EGFR: variants seen among roughly 807,000 people sequenced by gnomAD.
EGFR encodes avian erythroblastic leukemia viral (v-erb-b) oncogene homolog.
Under a neutral mutation model 143.0 loss-of-function variants are expected in EGFR, and 58 were observed. The ratio of observed to expected loss-of-function variants is 0.41; its 90% confidence interval spans 0.33 to 0.50. The LOEUF (loss-of-function observed/expected upper bound fraction) is 0.50, where lower values mean the gene tolerates loss of function less well. Ranked by LOEUF, EGFR falls within the 20% of genes least tolerant of loss-of-function variation. The probability of loss-of-function intolerance (pLI) is 0.39; values close to 1 mark genes in which losing one functional copy is unlikely to be tolerated. For synonymous variants in EGFR, 613 were observed against 594.4 expected (o/e 1.03, Z -0.45); for missense variants, 1,307 against 1,579.0 (o/e 0.83, Z 2.92).
chr7:55,156,956 T>G (rs1395771758), intron 10 of EGFR, 124 bp downstream of exon 10: 4 of 1,544,062 alleles, frequency 2.6e-6, no homozygotes, highest in Non-Finnish European at 3.5e-6. Flanking sequence ...CGTTAATGGC[T>G]GATGTTTTGA....
rs538843362 is a variant in EGFR, at chr7:55,087,680, G to A, written c.89-54606G>A. On this transcript the variant is annotated intron_variant, in intron 1 of 27. Transcript: ENST00000275493. ...TGTTGTGATGAGTTGGAAACTTCCC[G>A]ATTGGGTTTATTAGAGCATGAACAC... Among the ~76,000 whole-genome samples the A allele has an allele frequency of 2.6e-4, 39 of 152,230 alleles. No homozygotes were observed. In the East Asian group the frequency reaches 7.1e-3, roughly 28 times the overall value.
intron 1 of EGFR, among the ~76,000 whole-genome samples, chr7:55,132,889 G>T (rs559365761): frequency 6.6e-6 from 1 of 152,210 alleles, no homozygotes; most frequent in South Asian, 2.1e-4. Flanking sequence ...TGCCTGGTGT[G>T]CATCTCAGAG....
chr7:55,181,870 C>G, intron 20 of EGFR: 1 of 327,894 alleles, frequency 3.0e-6, no homozygotes, highest in African/African-American at 2.1e-5. Flanking sequence ...CAGGAGGACC[C>G]AGGTGATAGT....
chr7:55,170,325 C>T (rs1363092482), intron 15 of EGFR: 4 of 1,614,172 alleles, frequency 2.5e-6, no homozygotes, highest in Non-Finnish European at 2.5e-6. Context: ...ATGAGAGTCT[C>T]AAAGCCATGT....
At chr7:55,055,706 A>G (rs1027674151) in intron 1 of EGFR, among the ~76,000 whole-genome samples, 1 of 56,242 alleles carries the variant, frequency 1.8e-5, no homozygotes, top group Non-Finnish European at 3.4e-5. Context: ...TCTTGCACGC[A>G]CACACACACA....
At chr7:55,071,453 G>GT (rs1789822283) in intron 1 of EGFR, among the ~76,000 whole-genome samples, 1 of 152,170 alleles carries the variant, frequency 6.6e-6, no homozygotes, top group Non-Finnish European at 1.5e-5. Flanking sequence ...TCAAAAATGT[G>GT]TTTTTTGAAA....
chr7:55,063,748 A>T (rs572021594), intron 1 of EGFR, among the ~76,000 whole-genome samples: 1 of 152,354 alleles, frequency 6.6e-6, no homozygotes, highest in Admixed American at 6.5e-5. Context: ...ATGGAGTGGC[A>T]GATGAAGGTA....
At chr7:55,109,375 C>T (rs959112427) in intron 1 of EGFR, among the ~76,000 whole-genome samples, 1 of 152,152 alleles carries the variant, frequency 6.6e-6, no homozygotes, top group Non-Finnish European at 1.5e-5. Flanking sequence ...ATGGAAGAAT[C>T]GGGTGTTGGG....
chr7:55,168,670 T>C, intron 15 of EGFR: 1 of 1,289,682 alleles, frequency 7.8e-7, no homozygotes, highest in South Asian at 1.4e-5. Context: ...CTTTAGTATG[T>C]GTGATTACAT....
chr7:55,200,980 T>C (rs1787820644), intron 24 of EGFR, among the ~76,000 whole-genome samples: 1 of 152,220 alleles, frequency 6.6e-6, no homozygotes, highest in Admixed American at 6.5e-5. Flanking sequence ...CTTTCAAGCA[T>C]CAAAGGATGG....
intron 23 of EGFR, 101 bp from the exon 24 acceptor site, chr7:55,200,215 G>C: frequency 1.8e-6 from 2 of 1,121,576 alleles, no homozygotes; most frequent in Non-Finnish European, 2.7e-6. Flanking sequence ...TCACTTATTT[G>C]ACTGGAAGTG....
chr7:55,020,885 T>TAA (rs34696698), intron 1 of EGFR, among the ~76,000 whole-genome samples: 109 of 144,266 alleles, frequency 7.6e-4, no homozygotes, highest in Middle Eastern at 3.6e-3. Context: ...TACCTGGGAT[T>TAA]AAAAAAAAAA....
At chr7:55,152,994 C>A (rs142701039) in intron 6 of EGFR, among the ~76,000 whole-genome samples, 1 of 152,256 alleles carries the variant, frequency 6.6e-6, no homozygotes, top group Non-Finnish European at 1.5e-5. Context: ...CTAAATACTA[C>A]ATGCAAGTAT....
intron 1 of EGFR, among the ~76,000 whole-genome samples, chr7:55,056,461 G>A (rs1479986133): frequency 6.6e-6 from 1 of 152,206 alleles, no homozygotes; most frequent in African/African-American, 2.4e-5. Flanking sequence ...ATTAGAACAT[G>A]ATAGAATTTT....
At chr7:55,182,799 T>C (rs1261369138) in intron 20 of EGFR, among the ~76,000 whole-genome samples, 1 of 152,182 alleles carries the variant, frequency 6.6e-6, no homozygotes, top group African/African-American at 2.4e-5. Flanking sequence ...GCCATTCTCA[T>C]GGTCATAACC....
intron 1 of EGFR, among the ~76,000 whole-genome samples, chr7:55,084,075 G>C (rs1288420876): frequency 6.6e-6 from 1 of 152,244 alleles, no homozygotes; most frequent in Non-Finnish European, 1.5e-5. Flanking sequence ...GAAAGATAGA[G>C]ATTGGCTTAC....
rs1785440031 is a variant in EGFR, at chr7:55,156,784, C to T, written c.1159C>T (p.Leu387=). The change falls in exon 10 of 28, where the codon CTG becomes TTG. Residue 387 remains leucine, a synonymous_variant. Transcript: ENST00000275493. ...RGDSFTHTPP[L]DPQELDILKT... ...TGACTCCTTCACACATACTCCTCCTCTGGATCCACAGGAACTGGATATTCT... is the reference window on the plus strand; with the variant it reads ...TGACTCCTTCACACATACTCCTCCTTTGGATCCACAGGAACTGGATATTCT... 1.9e-6 allele frequency: 3 copies of T among 1,614,122 alleles called. No individual in the cohort carries two copies. The highest frequency in any genetic ancestry group is 2.7e-5 in the African/African-American group (2 of 74,942).
At chr7:55,144,237 G>A (rs556092670) in intron 3 of EGFR, among the ~76,000 whole-genome samples, 10 of 152,302 alleles carry the variant, frequency 6.6e-5, no homozygotes, top group East Asian at 1.9e-4. Flanking sequence ...TCATTAGGTC[G>A]GATTTCAGGG....
In EGFR at chr7:55,147,180, C is replaced by T. The variant is rs114527095; in HGVS notation, c.559+440C>T. 5.6e-3 allele frequency among the ~76,000 whole-genome samples: 849 copies of T among 152,326 alleles called. 16 individuals are homozygous for T. The highest frequency in any genetic ancestry group is 0.019 in the African/African-American group (783 of 41,578). On this transcript the variant is annotated intron_variant, in intron 4 of 27. Coordinates refer to ENST00000275493, the MANE Select transcript of EGFR (RefSeq NM_005228.5). Reference sequence around the variant, plus strand: ...GCATGAACACTGCCACATGGAGTCACACACACAGCTGGGCACTGCCATGGA... The same window carrying T: ...GCATGAACACTGCCACATGGAGTCATACACACAGCTGGGCACTGCCATGGA...
Sources: allele counts gnomAD v4.1 joint callset (sites outside exome capture counted in the v4.1 genomes callset), GRCh38; gene constraint gnomAD v4.1.1; transcripts MANE v1.5; gene names NCBI Gene and HGNC (gene_info 2026-07-23, HGNC 2026-07-21).